Variants in TMTC2 observed in about 807,000 individuals in gnomAD.
The protein encoded by TMTC2 is protein O-mannosyl-transferase TMTC2.
A neutral mutation model predicts 82.4 loss-of-function variants in TMTC2; 43 were observed. That is an observed-to-expected ratio of 0.52 (90% CI 0.41 to 0.67). TMTC2 has a LOEUF of 0.67. Among genes scored for constraint, TMTC2 ranks in the 30% least tolerant of loss-of-function variants. The probability of loss-of-function intolerance (pLI) is 0.00; values close to 1 mark genes in which losing one functional copy is unlikely to be tolerated. For missense variants in TMTC2, 919 were observed against 1,012.4 expected, an observed-to-expected ratio of 0.91 and a Z score of 1.25; for synonymous variants, 408 against 381.9, an observed-to-expected ratio of 1.07 and a Z score of -0.80.
At chr12:82,898,369 T>G (rs917187832) in intron 3 of TMTC2, among the ~76,000 whole-genome samples, 2 of 152,224 alleles carry the variant, frequency 1.3e-5, no homozygotes, top group African/African-American at 4.8e-5. Flanking sequence ...TTTCCTGCTG[T>G]TTAAAACATA....
intron 9 of TMTC2, among the ~76,000 whole-genome samples, chr12:83,045,568 C>T (rs1882058739): frequency 6.6e-6 from 1 of 151,942 alleles, no homozygotes; most frequent in African/African-American, 2.4e-5. Context: ...AGAAAGTAAA[C>T]TGATATTCAA....
chr12:83,072,776 C>T (rs1883161029), intron 11 of TMTC2, among the ~76,000 whole-genome samples: 1 of 152,120 alleles, frequency 6.6e-6, no homozygotes, highest in African/African-American at 2.4e-5. Flanking sequence ...CTTTTAACTG[C>T]TGTTGCTTTA....
rs546144758 is a variant in TMTC2 at position 82,749,968 on chromosome 12, C to T, written c.83+62299C>T. 4.7e-3 allele frequency among the ~76,000 whole-genome samples: 714 copies of T among 152,184 alleles called. 8 individuals carry two copies. The highest frequency in any genetic ancestry group is 0.016 in the African/African-American group (680 of 41,532). ...GGTCAGGCTGGTCTTGAACTCCTGA[C>T]CTCAGGTGATCCACCTGCCTCGGCC... On this transcript the variant is annotated intron_variant, in intron 1 of 11. Coordinates refer to ENST00000321196, the MANE Select transcript of TMTC2 (RefSeq NM_152588.3).
chr12:82,978,357 T>A (rs1878770843), intron 7 of TMTC2, among the ~76,000 whole-genome samples: 1 of 151,718 alleles, frequency 6.6e-6, no homozygotes, highest in Non-Finnish European at 1.5e-5. Flanking sequence ...ATGTTGTAAA[T>A]GATAAAACTG....
At chr12:82,780,452 G>A (rs1387399946) in intron 1 of TMTC2, among the ~76,000 whole-genome samples, 2 of 150,698 alleles carry the variant, frequency 1.3e-5, no homozygotes, top group Non-Finnish European at 3.0e-5. Context: ...TTTTTGTTGA[G>A]TGTTTATGTT....
intron 1 of TMTC2, among the ~76,000 whole-genome samples, chr12:82,710,408 A>G (rs1873567436): frequency 6.6e-6 from 1 of 152,198 alleles, no homozygotes; most frequent in Non-Finnish European, 1.5e-5. Flanking sequence ...GTTTCTCTTT[A>G]GATCTGGCTG....
chr12:82,961,332 A>G (rs1877921507), intron 4 of TMTC2, among the ~76,000 whole-genome samples: 1 of 151,910 alleles, frequency 6.6e-6, no homozygotes, highest in Admixed American at 6.6e-5. Context: ...AACCCTAGTC[A>G]TAACAGTGCT....
chr12:83,107,058 T>C (rs1884429817), intron 11 of TMTC2, among the ~76,000 whole-genome samples: 1 of 152,224 alleles, frequency 6.6e-6, no homozygotes, highest in Non-Finnish European at 1.5e-5. Context: ...GAGGATGATA[T>C]AGGCATCTTG....
chr12:82,753,139 A>G (rs1876108060), intron 1 of TMTC2, among the ~76,000 whole-genome samples: 1 of 152,132 alleles, frequency 6.6e-6, no homozygotes, highest in South Asian at 2.1e-4. Flanking sequence ...TACCAGATAT[A>G]TGAGGCGGTC....
At chr12:83,084,254 G>C (rs1395965449) in intron 11 of TMTC2, among the ~76,000 whole-genome samples, 1 of 152,168 alleles carries the variant, frequency 6.6e-6, no homozygotes, top group Non-Finnish European at 1.5e-5. Context: ...AGCTATTATA[G>C]AGTTTTTAAT....
At chr12:82,948,373 C>CAAAA (rs5799599) in intron 4 of TMTC2, among the ~76,000 whole-genome samples, 1,289 of 81,360 alleles carry the variant, frequency 0.016, 21 homozygotes, top group African/African-American at 0.035. Flanking sequence ...TTAATTTAAA[C>CAAAA]AAAAAAAAAA....
intron 1 of TMTC2, among the ~76,000 whole-genome samples, chr12:82,795,457 G>C (rs908483261): frequency 6.6e-6 from 1 of 152,078 alleles, no homozygotes; most frequent in African/African-American, 2.4e-5. Context: ...CTGAAGGGTA[G>C]AGATAGGTTT....
chr12:82,736,324 A>C (rs1023764964), intron 1 of TMTC2, among the ~76,000 whole-genome samples: 2 of 152,162 alleles, frequency 1.3e-5, no homozygotes, highest in Non-Finnish European at 1.5e-5. Flanking sequence ...TTAAAAAAAA[A>C]CAACATGTCC....
chr12:82,879,695 C>G (rs1052788727), intron 2 of TMTC2, among the ~76,000 whole-genome samples: 6 of 152,184 alleles, frequency 3.9e-5, no homozygotes, highest in Admixed American at 6.5e-5. Flanking sequence ...AACAACCTAG[C>G]CTTTCTGAAT....
intron 1 of TMTC2, among the ~76,000 whole-genome samples, chr12:82,717,108 G>A (rs752469042): frequency 6.6e-6 from 1 of 152,114 alleles, no homozygotes; most frequent in South Asian, 2.1e-4. Flanking sequence ...GTGCCCAGAA[G>A]TTGAGGTCCT....
intron 11 of TMTC2, among the ~76,000 whole-genome samples, chr12:83,068,956 A>ATGTTTGG (rs1404390927): frequency 2.0e-5 from 3 of 152,096 alleles, no homozygotes; most frequent in South Asian, 2.1e-4. Context: ...AGAACATACG[A>ATGTTTGG]TGTTTGGTTT....
chr12:82,885,406 T>G (rs930498500), intron 2 of TMTC2, among the ~76,000 whole-genome samples: 3 of 152,102 alleles, frequency 2.0e-5, no homozygotes, highest in African/African-American at 7.2e-5. Flanking sequence ...AGAGACACTC[T>G]GTCACCCATG....
At chr12:82,867,614 T>A (rs1871935400) in intron 2 of TMTC2, among the ~76,000 whole-genome samples, 1 of 152,328 alleles carries the variant, frequency 6.6e-6, no homozygotes, top group South Asian at 2.1e-4. Flanking sequence ...TTGTGGATAT[T>A]TAAACATAAT....
chr12:83,090,654 G>C (rs1409596603), intron 11 of TMTC2, among the ~76,000 whole-genome samples: 1 of 152,020 alleles, frequency 6.6e-6, no homozygotes, highest in East Asian at 1.9e-4. Flanking sequence ...CCTCATCTTT[G>C]CTGCATTGCC....
Sources: allele counts gnomAD v4.1 joint callset (sites outside exome capture counted in the v4.1 genomes callset), GRCh38; gene constraint gnomAD v4.1.1; transcripts MANE v1.5; gene names NCBI Gene and HGNC (gene_info 2026-07-23, HGNC 2026-07-21).